Variants in CLEC16A observed in about 807,000 individuals in gnomAD.
The protein encoded by CLEC16A is protein CLEC16A.
A neutral mutation model predicts 109.5 loss-of-function variants in CLEC16A; 51 were observed. That is an observed-to-expected ratio of 0.47 (90% confidence interval 0.37 to 0.59). CLEC16A has a LOEUF of 0.59. Ranked by LOEUF, CLEC16A falls within the 20% of genes least tolerant of loss-of-function variation. The pLI is 0.00. For synonymous variants in CLEC16A, 673 were observed against 564.2 expected, an observed-to-expected ratio of 1.19 and a Z score of -2.73; for missense variants, 1,339 against 1,394.0, an observed-to-expected ratio of 0.96 and a Z score of 0.63.
At chr16:10,998,644 C>T (rs1449911141) in intron 10 of CLEC16A, among the ~76,000 whole-genome samples, 4 of 152,210 alleles carry the variant, frequency 2.6e-5, no homozygotes, top group South Asian at 2.1e-4. Flanking sequence ...TTTTTTTCCC[C>T]TTCTTTCCCT....
At chr16:11,039,664 G>A in intron 13 of CLEC16A, 90 bp from the exon 14 acceptor site, 1 of 1,403,594 alleles carries the variant, frequency 7.1e-7, no homozygotes, top group Non-Finnish European at 9.5e-7. Context: ...TGTGGCTGAA[G>A]TTGAGGAAAC....
chr16:10,985,566 G>A (rs1489866548), intron 10 of CLEC16A, among the ~76,000 whole-genome samples: 1 of 148,522 alleles, frequency 6.7e-6, no homozygotes, highest in Admixed American at 6.7e-5. Flanking sequence ...TTTTTTAGTT[G>A]CATGATTTCC....
intron 19 of CLEC16A, among the ~76,000 whole-genome samples, chr16:11,067,109 A>C (rs8062923): frequency 0.77 from 115,246 of 149,972 alleles, 44,371 homozygotes; most frequent in East Asian, 0.93. Flanking sequence ...AACTGTATAC[A>C]CACATACTGT....
intron 19 of CLEC16A, among the ~76,000 whole-genome samples, chr16:11,063,278 T>G (rs1489588089): frequency 1.4e-4 from 1 of 6,958 alleles, no homozygotes; most frequent in Non-Finnish European, 2.7e-4. Context: ...TCTTCTTTCC[T>G]TTTTTTTTTT....
intron 22 of CLEC16A, among the ~76,000 whole-genome samples, chr16:11,146,919 T>C (rs1183760576): frequency 1.3e-5 from 2 of 152,114 alleles, no homozygotes; most frequent in African/African-American, 4.8e-5. Flanking sequence ...ACACCTTAGA[T>C]AGTCTAGAAC....
intron 18 of CLEC16A, among the ~76,000 whole-genome samples, chr16:11,052,011 G>A (rs780918833): frequency 1.3e-5 from 2 of 152,184 alleles, no homozygotes; most frequent in African/African-American, 2.4e-5. Flanking sequence ...TCGTAGCCCA[G>A]CGGTCTCAGG....
At chr16:11,067,257 C>G (rs2048822783) in intron 19 of CLEC16A, among the ~76,000 whole-genome samples, 1 of 138,050 alleles carries the variant, frequency 7.2e-6, no homozygotes, top group Non-Finnish European at 1.5e-5. Flanking sequence ...GCCAGTGACT[C>G]TGTCTTTCCA....
At position 11,025,125 on chromosome 16, in the gene CLEC16A, A is replaced by G. The variant is rs752489835; in HGVS notation, c.1537+204A>G. On this transcript the variant is annotated intron_variant, in intron 13 of 23. Coordinates refer to ENST00000409790, the MANE Select transcript of CLEC16A (RefSeq NM_015226.3). ...GTGTTTTTCTACCAACTGAAGCCAC[A>G]GGAATTGGTTACTCAGGCAATATGG... 8.5e-5 allele frequency among the ~76,000 whole-genome samples: 13 copies of G among 152,250 alleles called. No homozygotes were observed. The Middle Eastern group carries it at 0.017, about 199-fold the overall frequency.
At chr16:11,050,798 G>A (rs572915486) in intron 17 of CLEC16A, among the ~76,000 whole-genome samples, 3 of 152,230 alleles carry the variant, frequency 2.0e-5, no homozygotes, top group Admixed American at 1.3e-4. Context: ...ATCCCAGCAC[G>A]TGCCTGGCAC....
chr16:11,032,273 G>A (rs1403574285), intron 13 of CLEC16A, among the ~76,000 whole-genome samples: 4 of 152,258 alleles, frequency 2.6e-5, no homozygotes, highest in Non-Finnish European at 5.9e-5. Flanking sequence ...TCTGGAGCCA[G>A]TCTGCAGGGG....
chr16:11,062,890 TG>T (rs1014961637), intron 19 of CLEC16A, among the ~76,000 whole-genome samples: 2 of 38,922 alleles, frequency 5.1e-5, no homozygotes, highest in South Asian at 8.8e-4. Context: ...GAGCTTGCTT[TG>T]GGGGGGTGGG....
chr16:10,998,329 A>G lies in CLEC16A; in HGVS notation c.1072-4745A>G, dbSNP rs77845417. On this transcript the variant is annotated intron_variant, in intron 10 of 23. Coordinates refer to ENST00000409790, the MANE Select transcript of CLEC16A (RefSeq NM_015226.3). ...GCCCAAATATTCAGCTGCAGAGCTCAGGGCTCCCTTGTGTTTCACTGCAGT... is the reference window on the plus strand; with the variant it reads ...GCCCAAATATTCAGCTGCAGAGCTCGGGGCTCCCTTGTGTTTCACTGCAGT... Among the ~76,000 whole-genome samples the G allele has an allele frequency of 4.1e-3, 629 of 152,260 alleles. 10 individuals are homozygous for G. Among genetic ancestry groups the G allele is most frequent in the South Asian group, 0.041 (198 of 4,820 alleles).
At chr16:11,133,338 CAAA>C (rs577277748) in intron 22 of CLEC16A, among the ~76,000 whole-genome samples, 1 of 127,558 alleles carries the variant, frequency 7.8e-6, no homozygotes, top group African/African-American at 2.9e-5. Context: ...GACTCTGTCT[CAAA>C]AAAAAAAAAA....
intron 10 of CLEC16A, among the ~76,000 whole-genome samples, chr16:10,986,220 C>T (rs550637156): frequency 3.3e-5 from 5 of 151,328 alleles, no homozygotes; most frequent in African/African-American, 1.2e-4. Context: ...TTAGTAGAGA[C>T]GGGGTTTCAC....
At chr16:11,170,946 A>C (rs941998365) in intron 23 of CLEC16A, among the ~76,000 whole-genome samples, 5 of 152,090 alleles carry the variant, frequency 3.3e-5, no homozygotes, top group African/African-American at 1.2e-4. Context: ...CCGGGGGATG[A>C]GGGGTTGGTG....
At chr16:11,030,457 C>G (rs1597121396) in intron 13 of CLEC16A, among the ~76,000 whole-genome samples, 2 of 152,196 alleles carry the variant, frequency 1.3e-5, no homozygotes, top group East Asian at 3.8e-4. Flanking sequence ...TTAGTTTTCA[C>G]CATTCTAATA....
chr16:11,019,497 G>A (rs185446379), intron 11 of CLEC16A, among the ~76,000 whole-genome samples: 4 of 152,212 alleles, frequency 2.6e-5, no homozygotes, highest in African/African-American at 9.7e-5. Flanking sequence ...GGCCAGACAT[G>A]GTGGCTGACG....
chr16:11,139,835 G>T (rs1403415098), intron 22 of CLEC16A, among the ~76,000 whole-genome samples: 2 of 152,208 alleles, frequency 1.3e-5, no homozygotes, highest in Non-Finnish European at 2.9e-5. Flanking sequence ...TCTACTTCTA[G>T]CCTTACAGAC....
At chr16:10,957,221 T>C (rs2042031370) in intron 1 of CLEC16A, among the ~76,000 whole-genome samples, 1 of 152,150 alleles carries the variant, frequency 6.6e-6, no homozygotes, top group Non-Finnish European at 1.5e-5. Flanking sequence ...TTGAGAAGGA[T>C]TGTGAGCATT....
Sources: gnomAD v4.1 joint callset for allele counts (sites outside exome capture counted in the v4.1 genomes callset) on GRCh38, gnomAD v4.1.1 for gene constraint, MANE v1.5 for transcripts, NCBI Gene and HGNC (gene_info 2026-07-23, HGNC 2026-07-21) for gene names.